The following KHDRBS2 variants were observed in gnomAD, a reference collection of about 807,000 sequenced individuals.
The protein encoded by KHDRBS2 is KH RNA binding domain containing, signal transduction associated 2.
Under a neutral mutation model 44.3 loss-of-function variants are expected in KHDRBS2, and 26 were observed. The observed-to-expected ratio is 0.59, with a 90% CI of 0.43 to 0.81. The LOEUF is 0.81. Ranked by LOEUF, KHDRBS2 falls within the 40% of genes least tolerant of loss-of-function variation. The pLI is 0.00. For synonymous variants in KHDRBS2, 194 were observed against 151.1 expected, an observed-to-expected ratio of 1.28 and a Z score of -2.08; for missense variants, 476 against 433.1, an observed-to-expected ratio of 1.10 and a Z score of -0.88.
chr6:61,979,066 T>C (rs975788036), intron 3 of KHDRBS2, among the ~76,000 whole-genome samples: 1 of 152,120 alleles, frequency 6.6e-6, no homozygotes, highest in African/African-American at 2.4e-5. Context: ...CAAATCAATA[T>C]GTGATCCATA....
In KHDRBS2 at chr6:62,269,967, A is replaced by T. The variant is rs373731044; in HGVS notation, c.91+15891T>A. Among the ~76,000 whole-genome samples the T allele has an allele frequency of 6.7e-4, 102 of 152,248 alleles. 1 individual carries two copies. Among genetic ancestry groups the T allele is most frequent in the African/African-American group, 2.4e-3 (100 of 41,558 alleles). ...TGTCCAAGGATATACTGAACCTAAG[A>T]AAAAGGAAGAGTATACACTACATTA... On this transcript the variant is annotated intron_variant, in intron 1 of 8. Transcript: ENST00000281156.
chr6:62,007,124 G>T (rs920609348), intron 3 of KHDRBS2, among the ~76,000 whole-genome samples: 1 of 151,992 alleles, frequency 6.6e-6, no homozygotes, highest in Non-Finnish European at 1.5e-5. Flanking sequence ...GGTTGGGAAG[G>T]CTCGTCAAAC....
At chr6:61,576,094 A>C in the KHDRBS2 span, among the ~76,000 whole-genome samples, 1 of 22,960 alleles carries the variant, frequency 4.4e-5, no homozygotes, top group South Asian at 7.1e-4. Context: ...TTCCCCCAAA[A>C]CAAAACAAAA....
At chr6:61,814,851 T>A (rs986553741) in intron 6 of KHDRBS2, among the ~76,000 whole-genome samples, 7 of 151,802 alleles carry the variant, frequency 4.6e-5, no homozygotes, top group African/African-American at 1.5e-4. Context: ...TCAGCATCTT[T>A]TGGGGATTGG....
At chr6:61,973,241 C>CT (rs968958566) in intron 4 of KHDRBS2, among the ~76,000 whole-genome samples, 2 of 152,026 alleles carry the variant, frequency 1.3e-5, no homozygotes, top group African/African-American at 4.8e-5. Flanking sequence ...AACTTTATAA[C>CT]TTTTTTTTAG....
In KHDRBS2 at chr6:61,858,854, G is replaced by A. The variant is rs563254421; in HGVS notation, c.810+35781C>T. ...ACAGTCGTATATTGGCCAGATTATC[G>A]GGAAACCTATTCAAGTAATATAAAT... On this transcript the variant is annotated intron_variant, in intron 6 of 8. Coordinates refer to ENST00000281156, the MANE Select transcript of KHDRBS2 (RefSeq NM_152688.4). Among the ~76,000 whole-genome samples, 245 of 151,692 alleles carry A rather than the reference G, an allele frequency of 1.6e-3. 8 individuals are homozygous for A. In the South Asian group the frequency reaches 0.046, roughly 29 times the overall value.
chr6:61,643,214 A>G, the KHDRBS2 span, among the ~76,000 whole-genome samples: 3,728 of 152,262 alleles, frequency 0.024, 70 homozygotes, highest in Middle Eastern at 0.088. Flanking sequence ...GATATGAAAA[A>G]TTTCTTCTGG....
intron 2 of KHDRBS2, among the ~76,000 whole-genome samples, chr6:62,060,373 C>T (rs1371261808): frequency 6.6e-6 from 1 of 151,528 alleles, no homozygotes; most frequent in Non-Finnish European, 1.5e-5. Flanking sequence ...ACTCTGACTG[C>T]AGTTTGAGGA....
chr6:62,167,982 C>T (rs16880656), intron 2 of KHDRBS2, among the ~76,000 whole-genome samples: 3,186 of 152,124 alleles, frequency 0.021, 56 homozygotes, highest in African/African-American at 0.048. Context: ...AAGAAGGAAA[C>T]GCACACTCTG....
chr6:62,172,716 A>AAC (rs1024722140), intron 2 of KHDRBS2, among the ~76,000 whole-genome samples: 1 of 151,346 alleles, frequency 6.6e-6, no homozygotes, highest in Non-Finnish European at 1.5e-5. Context: ...AAAAAAAAAA[A>AAC]AAACCTGGAA....
chr6:61,609,582 T>C, the KHDRBS2 span, among the ~76,000 whole-genome samples: 1 of 152,198 alleles, frequency 6.6e-6, no homozygotes, highest in African/African-American at 2.4e-5. Flanking sequence ...TAGCTATCAT[T>C]TGTAAAATTT....
chr6:61,660,115 C>G, the KHDRBS2 span, among the ~76,000 whole-genome samples: 4,629 of 151,848 alleles, frequency 0.03, 240 homozygotes, highest in African/African-American at 0.11. Flanking sequence ...GATTATGACC[C>G]TAAAACAACA....
At chr6:61,616,807 C>G in the KHDRBS2 span, among the ~76,000 whole-genome samples, 1 of 152,102 alleles carries the variant, frequency 6.6e-6, no homozygotes, top group African/African-American at 2.4e-5. Flanking sequence ...CCCAGCTCCC[C>G]GATTCTCCAG....
At chr6:62,144,089 C>G (rs572462697) in intron 2 of KHDRBS2, among the ~76,000 whole-genome samples, 1 of 151,872 alleles carries the variant, frequency 6.6e-6, no homozygotes, top group South Asian at 2.1e-4. Context: ...ATCAAGCACA[C>G]TATTTCAACC....
intron 3 of KHDRBS2, among the ~76,000 whole-genome samples, chr6:61,993,004 C>T (rs927733923): frequency 3.3e-5 from 5 of 152,094 alleles, no homozygotes; most frequent in Admixed American, 3.3e-4. Flanking sequence ...AAGCTTCAAG[C>T]GCAGTTGCTT....
intron 4 of KHDRBS2, among the ~76,000 whole-genome samples, chr6:61,971,658 TTC>T (rs1771450237): frequency 6.6e-6 from 1 of 152,064 alleles, no homozygotes; most frequent in Admixed American, 6.6e-5. Flanking sequence ...CCCTTCCACT[TTC>T]TCTCTTTGTC....
intron 3 of KHDRBS2, among the ~76,000 whole-genome samples, chr6:62,025,323 G>A (rs1247605142): frequency 2.6e-5 from 4 of 151,092 alleles, no homozygotes; most frequent in Non-Finnish European, 3.0e-5. Context: ...AATTTATACC[G>A]TCACTTCCTT....
intron 6 of KHDRBS2, among the ~76,000 whole-genome samples, chr6:61,772,744 C>T (rs182522253): frequency 2.0e-5 from 3 of 152,150 alleles, no homozygotes; most frequent in Admixed American, 2.0e-4. Context: ...AACCCATTAA[C>T]TCATCATCTA....
chr6:61,947,115 T>A (rs1024124884), intron 4 of KHDRBS2, among the ~76,000 whole-genome samples: 1 of 152,268 alleles, frequency 6.6e-6, no homozygotes, highest in African/African-American at 2.4e-5. Flanking sequence ...AAACTATATG[T>A]CAATTTTGTC....
Sources: gnomAD v4.1 joint callset for allele counts (sites outside exome capture counted in the v4.1 genomes callset) on GRCh38, gnomAD v4.1.1 for gene constraint, MANE v1.5 for transcripts, NCBI Gene and HGNC (gene_info 2026-07-23, HGNC 2026-07-21) for gene names.